Variants in HARS2 observed in about 807,000 individuals in gnomAD.
HARS2 encodes the protein histidine--tRNA ligase, mitochondrial.
A neutral mutation model predicts 62.4 loss-of-function variants in HARS2; 40 were observed. The ratio of observed to expected loss-of-function variants is 0.64; its 90% CI spans 0.50 to 0.83. The LOEUF (loss-of-function observed/expected upper bound fraction) is 0.83, where lower values mean the gene tolerates loss of function less well. Among genes scored for constraint, HARS2 ranks in the 40% least tolerant of loss-of-function variants. The pLI is 0.00. For missense variants in HARS2, 569 were observed against 626.4 expected (o/e 0.91, Z 0.98); for synonymous variants, 228 against 227.0 (o/e 1.00, Z -0.04).
At position 140,698,849 on chromosome 5, in the gene HARS2, G is replaced by T. The variant is rs1036641206; in HGVS notation, c.*297G>T. The T allele has an allele frequency of 1.1e-5, 5 of 454,096 alleles. No individual in the cohort carries two copies. Among genetic ancestry groups the T allele is most frequent in the Non-Finnish European group, 2.0e-5 (5 of 245,554 alleles). The allele number at this position is 454,096 out of a possible 1,614,324, so 28.1% of individuals were successfully genotyped here. A position where few individuals can be genotyped will look rare whatever the true frequency, so the allele number is the denominator to read the frequency against. On this transcript the variant is annotated 3_prime_UTR_variant, in exon 13 of 13. Transcript: ENST00000230771. ...GTCAAGAGGTAGTGAGATTGTTGCT[G>T]TGAGCAAGGCTCTGGGAGAGTCACC...
intron 10 of HARS2, 70 bp from the exon 11 acceptor site, chr5:140,697,499 T>C: frequency 6.2e-7 from 1 of 1,605,448 alleles, no homozygotes; most frequent in Non-Finnish European, 8.5e-7. Flanking sequence ...ATGATTCTTT[T>C]TGTCTTGATT....
intron 11 of HARS2, 52 bp downstream of exon 11, chr5:140,697,737 C>A: frequency 7.4e-7 from 1 of 1,350,602 alleles, no homozygotes; most frequent in Non-Finnish European, 1.1e-6. Context: ...AATTTAGGAC[C>A]CAGGGCTATA....
Position 140,691,733 on chromosome 5 carries a change from G to T in HARS2, c.85G>T (p.Gly29Trp). ...GCGACCGCCCTGCGCTTCGTGCACC[G>T]GGGCGGTCCGTTGCCAAAGCCAGGT... ...LLRPPCASCTGAVRCQSQVAE... is the reference protein window; with the variant it reads ...LLRPPCASCTWAVRCQSQVAE... Residue 29 changes from glycine (G) to tryptophan (W), a missense_variant, in exon 1 of 13, where the codon GGG (glycine) becomes TGG (tryptophan). Coordinates refer to ENST00000230771, the MANE Select transcript of HARS2 (RefSeq NM_012208.4). 2 of 1,551,634 alleles carry T rather than the reference G, an allele frequency of 1.3e-6. No individual in the cohort carries two copies. Among genetic ancestry groups the T allele is most frequent in the African/African-American group, 1.4e-5 (1 of 73,276 alleles).
chr5:140,697,337 C>T lies in HARS2; in HGVS notation c.1128C>T (p.His376=). The change falls in exon 10 of 13, where the codon CAC becomes CAT. Residue 376 remains histidine, a synonymous_variant. Coordinates refer to ENST00000230771, the MANE Select transcript of HARS2 (RefSeq NM_012208.4). ...GLVGMFDPKG[H]KVPCVGLSIG... is the part of the protein sequence containing the mutation. ...TGGGCATGTTTGACCCCAAGGGCCA[C>T]AAGGTGCCATGTGTGGGACTCAGCA... The T allele has an allele frequency of 6.2e-7, 1 of 1,614,106 alleles. No homozygotes were observed. Among genetic ancestry groups the T allele is most frequent in the Non-Finnish European group, 8.5e-7 (1 of 1,180,024 alleles).
Position 140,698,893 on chromosome 5 carries a change from A to T in HARS2, c.*341A>T, listed in dbSNP as rs1198549698. On this transcript the variant is annotated 3_prime_UTR_variant, in exon 13 of 13. Transcript: ENST00000230771. ...AGTCACCTCAGGCTCAGGATTCTGA[A>T]CCATTGAGATCAGAAACCAGATACT... 2.7e-6 allele frequency: 1 copy of T among 370,116 alleles called. No individual in the cohort carries two copies. The highest frequency in any genetic ancestry group is 5.1e-6 in the Non-Finnish European group (1 of 194,528). The allele number at this position is 370,116 out of a possible 1,614,324, so 22.9% of individuals were successfully genotyped here. A position where few individuals can be genotyped will look rare whatever the true frequency, so the allele number is the denominator to read the frequency against.
chr5:140,694,343 A>G (rs1052487955), intron 4 of HARS2, 63 bp downstream of exon 4: 25 of 1,105,670 alleles, frequency 2.3e-5, no homozygotes, highest in Non-Finnish European at 2.2e-5. Flanking sequence ...TTTCTCTGAC[A>G]AAAGTGGAGA....
intron 4 of HARS2, among the ~76,000 whole-genome samples, chr5:140,694,525 T>C (rs1335650740): frequency 2.6e-5 from 4 of 152,260 alleles, no homozygotes; most frequent in Admixed American, 2.6e-4. Context: ...CCAGAGATTC[T>C]TAGCTAATTC....
At chr5:140,696,643 T>C (rs1759754965) in intron 8 of HARS2, 29 bp downstream of exon 8, 4 of 1,453,496 alleles carry the variant, frequency 2.8e-6, no homozygotes, top group South Asian at 1.1e-5. Flanking sequence ...AGAGCTGTGA[T>C]AGAACCAGGC....
intron 1 of HARS2, chr5:140,691,969 G>A: frequency 1.7e-6 from 1 of 596,044 alleles, no homozygotes. Flanking sequence ...CTGCAGTTGA[G>A]GAAACGGAGG....
chr5:140,697,840 C>A, intron 11 of HARS2, 92 bp from the exon 12 acceptor site: 2 of 1,420,882 alleles, frequency 1.4e-6, no homozygotes, highest in Non-Finnish European at 2.0e-6. Flanking sequence ...GCGGACTAGC[C>A]ACTTATCTCT....
Position 140,696,137 on chromosome 5 carries a change from C to G in HARS2, c.668C>G (p.Ala223Gly), listed in dbSNP as rs751568696. The G allele has an allele frequency of 1.9e-6, 3 of 1,613,760 alleles. No individual in the cohort carries two copies. The highest frequency in any genetic ancestry group is 1.1e-5 in the South Asian group (1 of 91,076). ...CGGCGGATTGTGGATGGGATGTTTG[C>G]TGTCTGTGGTGTTCCTGAAAGCAAG... ...NDRRIVDGMF[A>G]VCGVPESKFR... The change falls in exon 7 of 13, where the codon GCT (alanine) becomes GGT (glycine). Residue 223 changes from alanine (A) to glycine (G), a missense_variant. Physicochemically the swap from Ala to Gly is moderately conservative, Grantham distance 60 (BLOSUM62 0). Transcript: ENST00000230771.
At chr5:140,693,862 G>A (rs1255896604) in intron 2 of HARS2, 73 bp from the exon 3 acceptor site, 3 of 1,546,220 alleles carry the variant, frequency 1.9e-6, no homozygotes, top group African/African-American at 1.4e-5. Flanking sequence ...CATAATAAGT[G>A]TAGTTTAACT....
In HARS2 at chr5:140,698,086, G is replaced by A. The variant is rs767585819; in HGVS notation, c.1461+8G>A. ...GTGGCCAGCAGAGAGGAGGTGAGTG[G>A]CGGCAGCAGAAATAGAAGGGACGAA... On this transcript the variant is annotated splice_region_variant and intron_variant, in intron 12 of 12. Transcript: ENST00000230771. 3 of 1,613,684 alleles carry A rather than the reference G, an allele frequency of 1.9e-6. No homozygotes were observed. Among genetic ancestry groups the A allele is most frequent in the Admixed American group, 1.7e-5 (1 of 59,994 alleles).
In HARS2 at chr5:140,696,392, T is replaced by G. The variant is rs1284967192; in HGVS notation, c.733-129T>G. ...GGGATTGTGACTGGATTTCTTAAGCTGTCTCTGACTTTGCTGAGTATACAG... is the reference window on the plus strand; with the variant it reads ...GGGATTGTGACTGGATTTCTTAAGCGGTCTCTGACTTTGCTGAGTATACAG... On this transcript the variant is annotated intron_variant, in intron 7 of 12. Coordinates refer to ENST00000230771, the MANE Select transcript of HARS2 (RefSeq NM_012208.4). 2.2e-5 allele frequency: 18 copies of G among 830,268 alleles called. No homozygotes were observed. The East Asian group carries it at 4.3e-4, about 20-fold the overall frequency. The allele number at this position is 830,268 out of a possible 1,614,324, so 51.4% of individuals were successfully genotyped here.
intron 1 of HARS2, chr5:140,692,081 A>G (rs1451117508): frequency 2.9e-6 from 1 of 343,102 alleles, no homozygotes; most frequent in African/African-American, 2.1e-5. Flanking sequence ...AAACAGTAAC[A>G]TTTTTAAGCG....
chr5:140,697,938 ATGC>A lies in HARS2; in HGVS notation c.1323_1325del (p.Met441_Leu442delinsIle). 3 of 1,613,864 alleles carry A rather than the reference ATGC, an allele frequency of 1.9e-6. No homozygotes were observed. The highest frequency in any genetic ancestry group is 2.5e-6 in the Non-Finnish European group (3 of 1,179,762). ...CTGTCTTGATCCTTTTCAGGCAGAG[ATGC>A]TATACAAGAACAACCCCAAACTATT... On this transcript the variant is annotated inframe_deletion, in exon 12 of 13. Coordinates refer to ENST00000230771, the MANE Select transcript of HARS2 (RefSeq NM_012208.4).
chr5:140,698,928 A>C lies in HARS2; in HGVS notation c.*376A>C. The C allele has an allele frequency of 3.2e-6, 1 of 313,068 alleles. No individual in the cohort carries two copies. The highest frequency in any genetic ancestry group is 3.0e-5 in the South Asian group (1 of 32,898). 19.4% of individuals were successfully genotyped at this position (313,068 alleles called of 1,614,324 possible). A position where few individuals can be genotyped will look rare whatever the true frequency, so the allele number is the denominator to read the frequency against. ...TCAGAAACCAGATACTTAGCCTTCT[A>C]CTGTAGCTACGGAACCAGATTCTGG... is the stretch of plus-strand genomic sequence containing the variant. On this transcript the variant is annotated 3_prime_UTR_variant, in exon 13 of 13. Transcript: ENST00000230771.
intron 8 of HARS2, 85 bp from the exon 9 acceptor site, chr5:140,696,858 A>ATTT: frequency 8.9e-7 from 1 of 1,119,918 alleles, no homozygotes; most frequent in Non-Finnish European, 1.3e-6. Context: ...TTTAAAGAAA[A>ATTT]TGAGGAAGAC....
At chr5:140,695,083 C>T (rs963010463) in intron 4 of HARS2, among the ~76,000 whole-genome samples, 2 of 152,166 alleles carry the variant, frequency 1.3e-5, no homozygotes, top group East Asian at 1.9e-4. Context: ...ATCTGGCCTA[C>T]AGTCTGCATT....
Sources: allele counts gnomAD v4.1 joint callset (sites outside exome capture counted in the v4.1 genomes callset), GRCh38; gene constraint gnomAD v4.1.1; transcripts MANE v1.5; gene names NCBI Gene and HGNC (gene_info 2026-07-23, HGNC 2026-07-21).